Variants in JMJD1C observed in about 807,000 individuals in gnomAD.
JMJD1C encodes jumonji domain containing 1C, also known as jumonji domain-containing protein 1C.
In JMJD1C, 31 loss-of-function variants were observed where a neutral mutation model predicts 245.3. The observed-to-expected ratio is 0.13, with a 90% CI of 0.09 to 0.17. The LOEUF is 0.17. JMJD1C is among the 10% of genes least tolerant of loss of function. The pLI is 1.00. For missense variants in JMJD1C, 2,691 were observed against 3,000.2 expected (o/e 0.90, Z 2.41); for synonymous variants, 1,057 against 1,017.4 (o/e 1.04, Z -0.74).
At chr10:63,259,676 T>C (rs2133729410) in intron 3 of JMJD1C, among the ~76,000 whole-genome samples, 1 of 152,362 alleles carries the variant, frequency 6.6e-6, no homozygotes, top group South Asian at 2.1e-4. Context: ...ATTCATTTAC[T>C]AGACAATGTG....
At chr10:63,226,869 C>G (rs1962010) in intron 3 of JMJD1C, among the ~76,000 whole-genome samples, 1 of 151,738 alleles carries the variant, frequency 6.6e-6, no homozygotes, top group South Asian at 2.1e-4. Context: ...ACCAGCCTGA[C>G]CAACATGGTG....
At chr10:63,305,629 C>CGGGTGTGTGTGT in intron 2 of JMJD1C, among the ~76,000 whole-genome samples, 1 of 121,774 alleles carries the variant, frequency 8.2e-6, no homozygotes, top group South Asian at 3.1e-4. Context: ...ACCATGCTGG[C>CGGGTGTGTGTGT]GTGTGTGTGT....
intron 1 of JMJD1C, among the ~76,000 whole-genome samples, chr10:63,519,517 T>C (rs1955137680): frequency 6.6e-6 from 1 of 152,234 alleles, no homozygotes; most frequent in Admixed American, 6.5e-5. Flanking sequence ...TAATACACCA[T>C]GTCTGTTCTC....
chr10:63,397,758 T>C (rs949253669), intron 1 of JMJD1C, among the ~76,000 whole-genome samples: 1 of 152,148 alleles, frequency 6.6e-6, no homozygotes, highest in Non-Finnish European at 1.5e-5. Context: ...GGTCTTCAAC[T>C]CTGAGGCTCA....
intron 1 of JMJD1C, among the ~76,000 whole-genome samples, chr10:63,399,967 C>T (rs971441230): frequency 1.3e-5 from 2 of 151,970 alleles, no homozygotes; most frequent in Non-Finnish European, 2.9e-5. Context: ...CATAGATATA[C>T]ACATGAACAC....
At chr10:63,373,430 A>G (rs142226449) in intron 2 of JMJD1C, among the ~76,000 whole-genome samples, 69 of 152,350 alleles carry the variant, frequency 4.5e-4, no homozygotes, top group African/African-American at 1.6e-3. Context: ...TATGTTAATG[A>G]GACAACAGGA....
rs751103385 is a variant in JMJD1C, at chr10:63,214,428, G to A, written c.1739C>T (p.Thr580Ile). 1 of 1,613,634 alleles carries A rather than the reference G, an allele frequency of 6.2e-7. No individual in the cohort carries two copies. The highest frequency in any genetic ancestry group is 1.3e-5 in the African/African-American group (1 of 74,918). ...VKVDLTQSSV[T>I]NASSGNDHLN... is the part of the protein sequence containing the mutation. ...GTGATCATTTCCTGAAGAAGCATTT[G>A]TAACACTTGATTGGGTTAGATCCAC... The change falls in exon 8 of 26, where the codon ACA becomes ATA. Residue 580 changes from threonine to isoleucine, a missense_variant. Physicochemically the swap from Thr to Ile is moderately conservative, Grantham distance 89. Coordinates refer to ENST00000399262, the MANE Select transcript of JMJD1C (RefSeq NM_032776.3).
chr10:63,255,150 T>C (rs1471394903), intron 3 of JMJD1C, among the ~76,000 whole-genome samples: 1 of 152,178 alleles, frequency 6.6e-6, no homozygotes, highest in Non-Finnish European at 1.5e-5. Context: ...CCAACACAGG[T>C]TCTTTTTTGA....
intron 9 of JMJD1C, 99 bp downstream of exon 9, chr10:63,208,964 T>C: frequency 8.7e-7 from 1 of 1,151,798 alleles, no homozygotes. Flanking sequence ...CAAAGCCTAA[T>C]CTTAAGATAT....
chr10:63,288,616 T>C (rs2133925532), intron 2 of JMJD1C, among the ~76,000 whole-genome samples: 2 of 152,228 alleles, frequency 1.3e-5, no homozygotes, highest in South Asian at 4.1e-4. Context: ...TTGGTATATT[T>C]CAAGGGCTGA....
At chr10:63,305,657 T>C (rs1938092177) in intron 2 of JMJD1C, among the ~76,000 whole-genome samples, 1 of 150,136 alleles carries the variant, frequency 6.7e-6, no homozygotes, top group Non-Finnish European at 1.5e-5. Context: ...TGTGTGTGTG[T>C]GTGTGTGTGT....
chr10:63,465,948 A>C lies in JMJD1C; in HGVS notation c.-286T>G. On this transcript the variant is annotated 5_prime_UTR_variant, in exon 1 of 26. Coordinates refer to ENST00000399262, the MANE Select transcript of JMJD1C (RefSeq NM_032776.3). ...GCCGTCGAAGACCCCGAGGCAGCCC[A>C]GCCGCCGCCACCGCGCCGCGGCCAG... 1.9e-6 allele frequency: 1 copy of C among 533,122 alleles called. No homozygotes were observed. Among genetic ancestry groups the C allele is most frequent in the South Asian group, 1.9e-5 (1 of 52,908 alleles). 33.0% of individuals were successfully genotyped at this position (533,122 alleles called of 1,614,324 possible).
intron 2 of JMJD1C, among the ~76,000 whole-genome samples, chr10:63,306,749 C>T (rs7092539): frequency 0.66 from 101,058 of 151,990 alleles, 36,189 homozygotes; most frequent in Non-Finnish European, 0.81. Flanking sequence ...TAATAACACC[C>T]GATGTATTAT....
rs1407457452 is a variant in JMJD1C at position 63,206,553 on chromosome 10, T to G, written c.5074+42A>C. The G allele has an allele frequency of 2.7e-6, 4 of 1,467,932 alleles. No homozygotes were observed. In the East Asian group the frequency reaches 9.1e-5, roughly 33 times the overall value. 90.9% of individuals were successfully genotyped at this position (1,467,932 alleles called of 1,614,324 possible). A position where few individuals can be genotyped will look rare whatever the true frequency, so the allele number is the denominator to read the frequency against. On this transcript the variant is annotated intron_variant, in intron 10 of 25. Coordinates refer to ENST00000399262, the MANE Select transcript of JMJD1C (RefSeq NM_032776.3). ...CAGCACACTAGTATAGCTAAAACAT[T>G]CAGCCCATTTTACCTGAGATAAAAC...
At chr10:63,389,709 A>T (rs909548713) in intron 1 of JMJD1C, among the ~76,000 whole-genome samples, 1 of 152,172 alleles carries the variant, frequency 6.6e-6, no homozygotes, top group Non-Finnish European at 1.5e-5. Flanking sequence ...TCAGACCACA[A>T]TGAAATAAAA....
chr10:63,502,694 C>G (rs553911655), intron 1 of JMJD1C, among the ~76,000 whole-genome samples: 14 of 151,126 alleles, frequency 9.3e-5, no homozygotes, highest in Non-Finnish European at 2.1e-4. Context: ...TCTCCTTCCA[C>G]CCACAACTGC....
At chr10:63,410,623 C>T (rs1361167267) in intron 1 of JMJD1C, among the ~76,000 whole-genome samples, 1 of 152,124 alleles carries the variant, frequency 6.6e-6, no homozygotes, top group African/African-American at 2.4e-5. Flanking sequence ...TACCTTATTA[C>T]CCTTTCCTTG....
chr10:63,420,650 G>C (rs531906519), intron 1 of JMJD1C, among the ~76,000 whole-genome samples: 2 of 150,132 alleles, frequency 1.3e-5, no homozygotes, highest in East Asian at 2.0e-4. Flanking sequence ...ACTTGAGCCC[G>C]GGAATCTGAG....
chr10:63,268,129 C>A (rs375396793), intron 2 of JMJD1C, among the ~76,000 whole-genome samples: 2 of 123,510 alleles, frequency 1.6e-5, no homozygotes, highest in Non-Finnish European at 3.5e-5. Flanking sequence ...AAAAAAAAAA[C>A]AGGCTTATTA....
Sources: allele counts gnomAD v4.1 joint callset (sites outside exome capture counted in the v4.1 genomes callset), GRCh38; gene constraint gnomAD v4.1.1; transcripts MANE v1.5; gene names NCBI Gene and HGNC (gene_info 2026-07-23, HGNC 2026-07-21).